The following ANKRD26 variants were observed in gnomAD, a reference collection of about 807,000 sequenced individuals.
ANKRD26 encodes the protein ankyrin repeat domain-containing protein 26.
A neutral mutation model predicts 208.7 loss-of-function variants in ANKRD26; 141 were observed. The ratio of observed to expected loss-of-function variants is 0.68; its 90% CI spans 0.59 to 0.78. The LOEUF is 0.78. Ranked by LOEUF, ANKRD26 falls within the 30% of genes least tolerant of loss-of-function variation. The probability of loss-of-function intolerance (pLI) is 0.00; values close to 1 mark genes in which losing one functional copy is unlikely to be tolerated. For synonymous variants in ANKRD26, 636 were observed against 660.4 expected (o/e 0.96, Z 0.57); for missense variants, 1,889 against 1,938.7 (o/e 0.97, Z 0.48).
intron 20 of ANKRD26, among the ~76,000 whole-genome samples, chr10:27,042,228 G>A (rs562058656): frequency 6.8e-4 from 103 of 152,258 alleles, no homozygotes; most frequent in African/African-American, 2.4e-3. Context: ...GTATGATGCT[G>A]GAACAATATG....
At chr10:27,099,108 A>T (rs1049653870) in intron 1 of ANKRD26, among the ~76,000 whole-genome samples, 5 of 152,106 alleles carry the variant, frequency 3.3e-5, no homozygotes, top group African/African-American at 1.2e-4. Flanking sequence ...CTCCTGCCTC[A>T]GTCTTCGGAG....
At chr10:27,058,517 C>T (rs1366297086) in intron 15 of ANKRD26, among the ~76,000 whole-genome samples, 1 of 151,986 alleles carries the variant, frequency 6.6e-6, no homozygotes. Flanking sequence ...CTACAAACCA[C>T]TTAAAAATCA....
At chr10:27,016,082 C>T (rs2053280600) in intron 30 of ANKRD26, among the ~76,000 whole-genome samples, 2 of 152,126 alleles carry the variant, frequency 1.3e-5, no homozygotes, top group East Asian at 1.9e-4. Flanking sequence ...AACTCCTGGG[C>T]TTACATGATC....
Position 27,060,501 on chromosome 10 carries a change from A to G in ANKRD26, c.1491+11T>C. On this transcript the variant is annotated intron_variant, in intron 14 of 33. Coordinates refer to ENST00000376087, the MANE Select transcript of ANKRD26 (RefSeq NM_014915.3). ...CTTAATAATTCAAGATAAAAATATA[A>G]AACTTATTACCTTCAAGTGAAGATA... 1 of 1,557,700 alleles carries G rather than the reference A, an allele frequency of 6.4e-7. No individual in the cohort carries two copies. The highest frequency in any genetic ancestry group is 1.4e-5 in the African/African-American group (1 of 73,390).
Position 27,037,892 on chromosome 10 carries a change from A to G in ANKRD26, c.2538T>C (p.Thr846=), listed in dbSNP as rs1354382468. The G allele has an allele frequency of 1.2e-6, 2 of 1,610,732 alleles. No individual in the cohort carries two copies. Among genetic ancestry groups the G allele is most frequent in the East Asian group, 4.5e-5 (2 of 44,722 alleles). The change falls in exon 22 of 34, where the codon ACT becomes ACC. Residue 846 remains threonine (T), a synonymous_variant. Transcript: ENST00000376087. ...SLQTLEMELR[T]VKSNLNQVVQ... ...TTACCTGATTCAAATTACTTTTTAC[A>G]GTCCTCAATTCCATCTCCAGTGTTT...
chr10:27,063,928 T>C, intron 12 of ANKRD26, 60 bp downstream of exon 12: 1 of 1,325,800 alleles, frequency 7.5e-7, no homozygotes, highest in Non-Finnish European at 1.1e-6. Context: ...ATATCAACAG[T>C]CATGTTTTTA....
intron 20 of ANKRD26, among the ~76,000 whole-genome samples, chr10:27,042,232 C>A (rs572250711): frequency 6.6e-6 from 1 of 152,284 alleles, no homozygotes; most frequent in African/African-American, 2.4e-5. Flanking sequence ...GATGCTGGAA[C>A]AATATGTCCA....
intron 4 of ANKRD26, among the ~76,000 whole-genome samples, chr10:26,981,198 ATACT>A (rs1003094375): frequency 1.3e-5 from 2 of 152,226 alleles, no homozygotes; most frequent in African/African-American, 2.4e-5. Flanking sequence ...GTGGTAAAAA[ATACT>A]TACCAAAATG....
chr10:27,004,913 T>C lies in ANKRD26; in HGVS notation c.*677A>G, dbSNP rs2052817177. 2.4e-5 allele frequency: 10 copies of C among 424,682 alleles called. No homozygotes were observed. The South Asian group carries it at 9.0e-4, about 38-fold the overall frequency. The allele number at this position is 424,682 out of a possible 1,614,324, so 26.3% of individuals were successfully genotyped here. A position where few individuals can be genotyped will look rare whatever the true frequency, so the allele number is the denominator to read the frequency against. On this transcript the variant is annotated 3_prime_UTR_variant, in exon 34 of 34. Transcript: ENST00000376087. ...TTGCAAGGTTTGCACTGTAGTTATG[T>C]AGAATGTCCTGACTTGTAGGAATGC... is the stretch of plus-strand genomic sequence containing the variant.
chr10:27,094,581 A>G (rs913084718), intron 1 of ANKRD26, among the ~76,000 whole-genome samples: 1 of 152,258 alleles, frequency 6.6e-6, no homozygotes, highest in African/African-American at 2.4e-5. Flanking sequence ...CAAAATGTTT[A>G]GAACAGTTCC....
downstream of ANKRD26, among the ~76,000 whole-genome samples, chr10:26,972,247 AAAAAG>A (rs1564324987): frequency 6.6e-6 from 1 of 151,718 alleles, no homozygotes; most frequent in Non-Finnish European, 1.5e-5. Context: ...AAAAAAAAAA[AAAAAG>A]AAAATTATAG....
At chr10:27,056,171 G>C (rs936625664) in intron 15 of ANKRD26, among the ~76,000 whole-genome samples, 2 of 152,052 alleles carry the variant, frequency 1.3e-5, no homozygotes, top group Non-Finnish European at 2.9e-5. Flanking sequence ...CGCTAAAAAT[G>C]ATTCTTTTTC....
At chr10:26,971,115 GT>G (rs2052135731), downstream of ANKRD26, among the ~76,000 whole-genome samples, 2 of 152,380 alleles carry the variant, frequency 1.3e-5, no homozygotes, top group African/African-American at 4.8e-5. Flanking sequence ...GCTGGGTGCA[GT>G]GGCTCACACC....
At chr10:26,975,098 C>A (rs2052205218) in exon 6 of ANKRD26, among the ~76,000 whole-genome samples, 1 of 152,178 alleles carries the variant, frequency 6.6e-6, no homozygotes, top group African/African-American at 2.4e-5. Flanking sequence ...TCAGCTAGGG[C>A]ATGGTTTTAA....
At chr10:27,033,496 TACATTGATTC>T (rs2053947845) in intron 24 of ANKRD26, 119 bp from the exon 25 acceptor site, 9 of 1,013,526 alleles carry the variant, frequency 8.9e-6, no homozygotes, top group Non-Finnish European at 1.3e-5. Flanking sequence ...TATTACCACA[TACATTGATTC>T]ACCTTCTTGT....
intron 18 of ANKRD26, among the ~76,000 whole-genome samples, chr10:27,044,870 T>C (rs1400690457): frequency 6.8e-6 from 1 of 148,012 alleles, no homozygotes; most frequent in Non-Finnish European, 1.5e-5. Flanking sequence ...CTCCAAAACA[T>C]ATTTTGCTGT....
At chr10:26,997,735 C>T (rs1055646910) in intron 4 of ANKRD26, among the ~76,000 whole-genome samples, 1 of 152,156 alleles carries the variant, frequency 6.6e-6, no homozygotes, top group Non-Finnish European at 1.5e-5. Flanking sequence ...TTCTAGCACT[C>T]CCATTGTCTC....
intron 15 of ANKRD26, among the ~76,000 whole-genome samples, chr10:27,054,870 C>T (rs1270579637): frequency 3.9e-5 from 6 of 152,090 alleles, no homozygotes; most frequent in Non-Finnish European, 8.8e-5. Context: ...TGATGAAAGC[C>T]TTATATGTAA....
In ANKRD26 at chr10:27,080,800, T is replaced by A. The variant is rs551974527; in HGVS notation, c.741-1639A>T. ...GAAAACAAGCTAAATGGAGTCTCTG[T>A]CATCTGCCAGCAGCACAGGCATGTT... On this transcript the variant is annotated intron_variant, in intron 6 of 33. Transcript: ENST00000376087. 13 of 985,500 alleles carry A rather than the reference T, an allele frequency of 1.3e-5. No individual in the cohort carries two copies. In the South Asian group the frequency reaches 5.2e-4, roughly 39 times the overall value. 61.0% of individuals were successfully genotyped at this position (985,500 alleles called of 1,614,324 possible).
Sources: allele counts gnomAD v4.1 joint callset (sites outside exome capture counted in the v4.1 genomes callset), GRCh38; gene constraint gnomAD v4.1.1; transcripts MANE v1.5; gene names NCBI Gene and HGNC (gene_info 2026-07-23, HGNC 2026-07-21).